Variants in FER1L6 observed in about 807,000 individuals in gnomAD.
The protein encoded by FER1L6 is fer-1-like protein 6.
Under a neutral mutation model 219.2 loss-of-function variants are expected in FER1L6, and 177 were observed. That is an observed-to-expected ratio of 0.81 (90% CI 0.71 to 0.91). The LOEUF (loss-of-function observed/expected upper bound fraction) is 0.91, where lower values mean the gene tolerates loss of function less well. FER1L6 is among the 40% of genes least tolerant of loss of function. FER1L6 has a pLI of 0.00. For missense variants in FER1L6, 2,153 were observed against 2,259.9 expected, an observed-to-expected ratio of 0.95 and a Z score of 0.96; for synonymous variants, 768 against 824.3, an observed-to-expected ratio of 0.93 and a Z score of 1.17.
At chr8:123,993,183 C>T (rs978271629) in intron 12 of FER1L6, among the ~76,000 whole-genome samples, 1 of 152,156 alleles carries the variant, frequency 6.6e-6, no homozygotes, top group Non-Finnish European at 1.5e-5. Flanking sequence ...TGGCTCACGC[C>T]TGTAATCCCA....
At chr8:123,989,734 G>T (rs1346603831) in intron 12 of FER1L6, among the ~76,000 whole-genome samples, 1 of 152,134 alleles carries the variant, frequency 6.6e-6, no homozygotes, top group Non-Finnish European at 1.5e-5. Context: ...TGCTGCAAAA[G>T]ACATTATTTT....
chr8:123,870,215 T>C (rs995495346), intron 1 of FER1L6, among the ~76,000 whole-genome samples: 1 of 152,252 alleles, frequency 6.6e-6, no homozygotes, highest in African/African-American at 2.4e-5. Flanking sequence ...ATGTAAGTGG[T>C]ATAGCCACTT....
At chr8:123,899,757 G>A (rs1341939394) in intron 1 of FER1L6, among the ~76,000 whole-genome samples, 1 of 152,084 alleles carries the variant, frequency 6.6e-6, no homozygotes, top group South Asian at 2.1e-4. Context: ...GTTGAAAAAA[G>A]TGTCCTTTCT....
intron 12 of FER1L6, among the ~76,000 whole-genome samples, chr8:123,991,454 C>CT (rs1816849721): frequency 6.8e-6 from 1 of 148,050 alleles, no homozygotes; most frequent in South Asian, 2.1e-4. Flanking sequence ...TTTTTTTTTT[C>CT]TTTTTTGCAG....
At chr8:123,962,446 T>C (rs1244089551) in intron 2 of FER1L6, among the ~76,000 whole-genome samples, 2 of 152,148 alleles carry the variant, frequency 1.3e-5, no homozygotes, top group Non-Finnish European at 2.9e-5. Flanking sequence ...TTGCCTGTCA[T>C]GACTTTAGGT....
chr8:123,989,018 G>A (rs2130396034), intron 12 of FER1L6, among the ~76,000 whole-genome samples: 1 of 152,116 alleles, frequency 6.6e-6, no homozygotes, highest in Non-Finnish European at 1.5e-5. Context: ...TTAGTGTTTT[G>A]AGAGTTTTTT....
rs1816132340 is a variant in FER1L6, at chr8:123,977,428, A to G, written c.882A>G (p.Thr294=). 7 of 1,613,480 alleles carry G rather than the reference A, an allele frequency of 4.3e-6. No individual in the cohort carries two copies. The highest frequency in any genetic ancestry group is 5.9e-6 in the Non-Finnish European group (7 of 1,179,714). ...VSFAGQMGRT[T]VQKNCADPVW... Reference sequence around the variant, plus strand: ...GGCTGTGTTTTTAGGGGCGAACCACAGTGCAGAAGAACTGTGCTGATCCTG... The same window carrying G: ...GGCTGTGTTTTTAGGGGCGAACCACGGTGCAGAAGAACTGTGCTGATCCTG... Residue 294 remains threonine (T), a synonymous_variant, in exon 10 of 41, where the codon ACA becomes ACG. Coordinates refer to ENST00000522917, the MANE Select transcript of FER1L6 (RefSeq NM_001039112.2).
chr8:124,098,510 A>C (rs920816047), intron 37 of FER1L6, among the ~76,000 whole-genome samples: 4 of 152,154 alleles, frequency 2.6e-5, no homozygotes, highest in Non-Finnish European at 4.4e-5. Flanking sequence ...AATGTACGTT[A>C]TCAATGATTT....
chr8:123,932,832 A>T (rs1813826097), intron 1 of FER1L6, among the ~76,000 whole-genome samples: 2 of 152,252 alleles, frequency 1.3e-5, no homozygotes, highest in Non-Finnish European at 2.9e-5. Context: ...TGAAAAGAGT[A>T]TAAATTCTAC....
chr8:124,103,320 G>C lies in FER1L6; in HGVS notation c.5289+11G>C, dbSNP rs781064062. 17 of 1,610,074 alleles carry C rather than the reference G, an allele frequency of 1.1e-5. No homozygotes were observed. The highest frequency in any genetic ancestry group is 1.4e-5 in the Non-Finnish European group (17 of 1,177,480). Reference sequence around the variant, plus strand: ...AGCAAAGAACTCACAGTAAGTGACAGCTATGGGAGGTGGAGGAGATGGGGG... The same window carrying C: ...AGCAAAGAACTCACAGTAAGTGACACCTATGGGAGGTGGAGGAGATGGGGG... On this transcript the variant is annotated intron_variant, in intron 39 of 40. Coordinates refer to ENST00000522917, the MANE Select transcript of FER1L6 (RefSeq NM_001039112.2).
intron 10 of FER1L6, among the ~76,000 whole-genome samples, chr8:123,978,616 C>T (rs1426298878): frequency 3.9e-5 from 6 of 152,174 alleles, no homozygotes; most frequent in African/African-American, 1.4e-4. Flanking sequence ...CATACATGCA[C>T]ATGCATGTGT....
At chr8:123,965,965 T>C in intron 3 of FER1L6, 42 bp from the exon 4 acceptor site, 2 of 1,515,684 alleles carry the variant, frequency 1.3e-6, no homozygotes, top group East Asian at 2.3e-5. Flanking sequence ...TTATGGATAT[T>C]CTTCCTTGAT....
At chr8:124,098,598 A>G (rs530947629) in intron 37 of FER1L6, among the ~76,000 whole-genome samples, 98 of 152,342 alleles carry the variant, frequency 6.4e-4, no homozygotes, top group South Asian at 8.3e-4. Flanking sequence ...AAAGTTTTAC[A>G]AAGGAGTAAT....
intron 1 of FER1L6, among the ~76,000 whole-genome samples, chr8:123,881,259 T>C (rs962382433): frequency 2.6e-5 from 4 of 152,172 alleles, no homozygotes; most frequent in Admixed American, 6.5e-5. Context: ...AAAAATTGCT[T>C]TTTCTCTATG....
chr8:124,040,457 A>G (rs1044651359), intron 20 of FER1L6: 2 of 204,218 alleles, frequency 9.8e-6, no homozygotes, highest in East Asian at 2.2e-4. Context: ...GGAGCTTCGC[A>G]TGCTTTTAAC....
intron 1 of FER1L6, among the ~76,000 whole-genome samples, chr8:123,937,922 C>T (rs886154060): frequency 3.0e-4 from 45 of 152,142 alleles, no homozygotes; most frequent in African/African-American, 1.0e-3. Flanking sequence ...AAACATCAGT[C>T]GTAATCTCTG....
chr8:123,939,206 A>G, intron 1 of FER1L6: 1 of 984,782 alleles, frequency 1.0e-6, no homozygotes. Context: ...GAGCTAAATA[A>G]CACATCTTGT....
Position 124,071,559 on chromosome 8 carries a change from G to C in FER1L6, c.4020G>C (p.Gly1340=). Residue 1340 remains glycine (G), a synonymous_variant, in exon 31 of 41, where the codon GGG becomes GGC. Coordinates refer to ENST00000522917, the MANE Select transcript of FER1L6 (RefSeq NM_001039112.2). ...SPQDSSSEDS[G]QLRIQQGIPP... Reference sequence around the variant, plus strand: ...AGGATTCTAGCTCTGAGGACAGCGGGCAGCTGAGAATCCAGCAAGGGATTC... The same window carrying C: ...AGGATTCTAGCTCTGAGGACAGCGGCCAGCTGAGAATCCAGCAAGGGATTC... The C allele has an allele frequency of 6.2e-7, 1 of 1,614,106 alleles. No homozygotes were observed. The highest frequency in any genetic ancestry group is 1.7e-4 in the Middle Eastern group (1 of 6,060).
At chr8:124,003,469 T>C in intron 13 of FER1L6, 122 bp downstream of exon 13, 13 of 735,076 alleles carry the variant, frequency 1.8e-5, no homozygotes, top group Non-Finnish European at 2.7e-5. Flanking sequence ...TTTTTTTTTT[T>C]TTTTTTTTTT....
Sources: gnomAD v4.1 joint callset for allele counts (sites outside exome capture counted in the v4.1 genomes callset) on GRCh38, gnomAD v4.1.1 for gene constraint, MANE v1.5 for transcripts, NCBI Gene and HGNC (gene_info 2026-07-23, HGNC 2026-07-21) for gene names.